Variants in ENAH observed in about 807,000 individuals in gnomAD.
ENAH encodes protein enabled homolog.
A neutral mutation model predicts 78.7 loss-of-function variants in ENAH; 23 were observed. The ratio of observed to expected loss-of-function variants is 0.29; its 90% CI spans 0.21 to 0.41. ENAH has a LOEUF of 0.41. ENAH is among the 10% of genes least tolerant of loss of function. The pLI is 1.00. For synonymous variants in ENAH, 226 were observed against 241.0 expected, an observed-to-expected ratio of 0.94 and a Z score of 0.58; for missense variants, 544 against 691.0, an observed-to-expected ratio of 0.79 and a Z score of 2.39.
At chr1:225,537,513 G>A (rs940841814) in intron 3 of ENAH, among the ~76,000 whole-genome samples, 4 of 152,142 alleles carry the variant, frequency 2.6e-5, no homozygotes, top group African/African-American at 9.7e-5. Flanking sequence ...AAGCCTAACA[G>A]AACTTCCTGC....
intron 1 of ENAH, among the ~76,000 whole-genome samples, chr1:225,607,558 G>A (rs1483902337): frequency 1.3e-5 from 2 of 151,272 alleles, no homozygotes; most frequent in Admixed American, 6.6e-5. Flanking sequence ...TCTAGATACG[G>A]AGCCATTCAT....
chr1:225,629,504 T>A (rs1023065122), intron 1 of ENAH, among the ~76,000 whole-genome samples: 1 of 151,216 alleles, frequency 6.6e-6, no homozygotes, highest in African/African-American at 2.4e-5. Context: ...GGAGAATTGC[T>A]TGAATCTGGG....
intron 1 of ENAH, among the ~76,000 whole-genome samples, chr1:225,614,749 G>C (rs1305338631): frequency 2.0e-5 from 3 of 152,040 alleles, no homozygotes; most frequent in Non-Finnish European, 2.9e-5. Flanking sequence ...ACAGTACTTT[G>C]GTCAGTCCAA....
chr1:225,603,784 C>T (rs1349345606), intron 1 of ENAH, among the ~76,000 whole-genome samples: 1 of 152,096 alleles, frequency 6.6e-6, no homozygotes, highest in African/African-American at 2.4e-5. Flanking sequence ...AGACCATCAG[C>T]CAAGATACAA....
Position 225,488,229 on chromosome 1 carries a change from G to A in ENAH, c.*9546C>T, listed in dbSNP as rs1208502379. 1 of 151,918 alleles carries A rather than the reference G, an allele frequency of 6.6e-6. No homozygotes were observed. Among genetic ancestry groups the A allele is most frequent in the African/African-American group, 2.4e-5 (1 of 41,328 alleles). The allele number at this position is 151,918 out of a possible 1,614,324, so 9.4% of individuals were successfully genotyped here. On this transcript the variant is annotated 3_prime_UTR_variant, in exon 14 of 14. Transcript: ENST00000366843. The stretch of plus-strand genomic sequence containing the variant: ...GAGACAGGCCTCGCTATGTTGCCCA[G>A]GCTGGCCTCCAACTTTGGGCTCAAG...
chr1:225,598,206 C>G (rs987042052), intron 1 of ENAH, among the ~76,000 whole-genome samples: 3 of 151,790 alleles, frequency 2.0e-5, no homozygotes, highest in Admixed American at 2.0e-4. Flanking sequence ...ACACACATAT[C>G]AAAAATTTTT....
rs1051801910 is a variant in ENAH at position 225,487,943 on chromosome 1, A to G, written c.*9832T>C. ...TTGGTCTATCAACTTGGTAGGCCTGAAAAAAAAAAGTATTTAACCTTCTAA... is the reference window on the plus strand; with the variant it reads ...TTGGTCTATCAACTTGGTAGGCCTGGAAAAAAAAAGTATTTAACCTTCTAA... On this transcript the variant is annotated 3_prime_UTR_variant, in exon 14 of 14. Coordinates refer to ENST00000366843, the MANE Select transcript of ENAH (RefSeq NM_018212.6). The G allele has an allele frequency of 3.3e-5, 5 of 149,678 alleles. No individual in the cohort carries two copies. The highest frequency in any genetic ancestry group is 9.8e-5 in the African/African-American group (4 of 40,810). 9.3% of individuals were successfully genotyped at this position (149,678 alleles called of 1,614,324 possible). A position where few individuals can be genotyped will look rare whatever the true frequency, so the allele number is the denominator to read the frequency against.
chr1:225,584,446 T>G (rs77701590), intron 1 of ENAH, among the ~76,000 whole-genome samples: 52 of 152,042 alleles, frequency 3.4e-4, no homozygotes, highest in Admixed American at 1.1e-3. Flanking sequence ...AAAATAGAAT[T>G]CTAAAGGTAT....
chr1:225,606,773 G>A (rs1196092076), intron 1 of ENAH, among the ~76,000 whole-genome samples: 1 of 144,750 alleles, frequency 6.9e-6, no homozygotes, highest in Non-Finnish European at 1.5e-5. Flanking sequence ...AACCCAGGAG[G>A]CAGGGATTGC....
At chr1:225,637,809 GCTA>G (rs1276980799) in intron 1 of ENAH, among the ~76,000 whole-genome samples, 1 of 152,132 alleles carries the variant, frequency 6.6e-6, no homozygotes, top group Non-Finnish European at 1.5e-5. Context: ...TATAGTCCCA[GCTA>G]CTTAGGAAGC....
Position 225,585,215 on chromosome 1 carries a change from C to CA in ENAH, c.6-17802dup, listed in dbSNP as rs58586397. Among the ~76,000 whole-genome samples, 128 of 49,936 alleles carry CA rather than the reference C, an allele frequency of 2.6e-3. 7 individuals are homozygous for CA. Among genetic ancestry groups the CA allele is most frequent in the Non-Finnish European group, 3.0e-3 (89 of 29,756 alleles). The allele number at this position is 49,936 out of a possible 152,430, so 32.8% of individuals were successfully genotyped here. ...TGGGCGACGGAGTGATACCCTGTCT[C>CA]AAAAAAAAAAAAAAAAAAAAAAAAA... On this transcript the variant is annotated intron_variant, in intron 1 of 13. Coordinates refer to ENST00000366843, the MANE Select transcript of ENAH (RefSeq NM_018212.6).
Position 225,531,282 on chromosome 1 carries a change from G to A in ENAH, c.350-644C>T, listed in dbSNP as rs552993440. Among the ~76,000 whole-genome samples, 8 of 151,920 alleles carry A rather than the reference G, an allele frequency of 5.3e-5. No individual in the cohort carries two copies. In the South Asian group the frequency reaches 1.7e-3, roughly 32 times the overall value. Reference sequence around the variant, plus strand: ...AGGTAATTTTAAGTTTTCATTTAGGGTAAGAAGAAAAAAAAACTTGCATTC... The same window carrying A: ...AGGTAATTTTAAGTTTTCATTTAGGATAAGAAGAAAAAAAAACTTGCATTC... On this transcript the variant is annotated intron_variant, in intron 3 of 13. Transcript: ENST00000366843.
intron 5 of ENAH, 60 bp from the exon 6 acceptor site, chr1:225,517,366 C>A (rs1236310021): frequency 6.4e-7 from 1 of 1,551,624 alleles, no homozygotes; most frequent in Non-Finnish European, 8.7e-7. Flanking sequence ...AATAGGGGTG[C>A]TTGGAGGAGG....
At chr1:225,562,343 C>G (rs976052309) in intron 2 of ENAH, among the ~76,000 whole-genome samples, 2 of 151,692 alleles carry the variant, frequency 1.3e-5, no homozygotes, top group African/African-American at 4.8e-5. Context: ...GAGGCTGAGG[C>G]GGGCAGATCA....
intron 1 of ENAH, among the ~76,000 whole-genome samples, chr1:225,615,022 TGATGC>T (rs967032994): frequency 6.8e-6 from 1 of 147,678 alleles, no homozygotes; most frequent in African/African-American, 2.6e-5. Flanking sequence ...GGTCTCCCTC[TGATGC>T]CCTCTCCCCG....
chr1:225,626,223 CT>C (rs1378938620), intron 1 of ENAH, among the ~76,000 whole-genome samples: 1 of 152,256 alleles, frequency 6.6e-6, no homozygotes, highest in Non-Finnish European at 1.5e-5. Context: ...GCAACTCTCA[CT>C]TTGCCTCTAC....
At chr1:225,499,993 C>T (rs913324454) in intron 12 of ENAH, among the ~76,000 whole-genome samples, 1 of 152,108 alleles carries the variant, frequency 6.6e-6, no homozygotes, top group African/African-American at 2.4e-5. Context: ...ACATCTCATC[C>T]CCCAAATCAA....
intron 1 of ENAH, among the ~76,000 whole-genome samples, 185 bp from the exon 2 acceptor site, chr1:225,567,599 A>C (rs1454170993): frequency 6.6e-6 from 1 of 152,178 alleles, no homozygotes; most frequent in Admixed American, 6.5e-5. Flanking sequence ...GACAAACCAA[A>C]AAAAATAAAG....
At chr1:225,629,360 T>C (rs900048498) in intron 1 of ENAH, among the ~76,000 whole-genome samples, 43 of 150,118 alleles carry the variant, frequency 2.9e-4, no homozygotes, top group African/African-American at 1.0e-3. Context: ...CCAAGGCAGG[T>C]GGATCATTTG....
Sources: allele counts gnomAD v4.1 joint callset (sites outside exome capture counted in the v4.1 genomes callset), GRCh38; gene constraint gnomAD v4.1.1; transcripts MANE v1.5; gene names NCBI Gene and HGNC (gene_info 2026-07-23, HGNC 2026-07-21).